Variants in SLC10A7 observed in about 807,000 individuals in gnomAD.
SLC10A7 encodes the protein solute carrier family 10 member 7.
Under a neutral mutation model 43.2 loss-of-function variants are expected in SLC10A7, and 29 were observed. That is an observed-to-expected ratio of 0.67 (90% CI 0.50 to 0.92). The LOEUF (loss-of-function observed/expected upper bound fraction) is 0.92. SLC10A7 is among the 40% of genes least tolerant of loss of function. SLC10A7 has a pLI of 0.00. For missense variants in SLC10A7, 295 were observed against 403.2 expected, an observed-to-expected ratio of 0.73 and a Z score of 2.30; for synonymous variants, 152 against 144.8, an observed-to-expected ratio of 1.05 and a Z score of -0.35.
chr4:146,264,095 C>T (rs1183820317), intron 10 of SLC10A7, among the ~76,000 whole-genome samples: 4 of 152,224 alleles, frequency 2.6e-5, no homozygotes, highest in South Asian at 2.1e-4. Context: ...GTAGCAACTT[C>T]AAGTAAGAGC....
At chr4:146,501,113 G>A (rs928889214) in intron 4 of SLC10A7, among the ~76,000 whole-genome samples, 5 of 151,910 alleles carry the variant, frequency 3.3e-5, no homozygotes, top group African/African-American at 1.2e-4. Flanking sequence ...AGTGATCCAG[G>A]GCTCAGTCCT....
At chr4:146,347,927 T>A (rs1734740542) in intron 5 of SLC10A7, among the ~76,000 whole-genome samples, 1 of 152,150 alleles carries the variant, frequency 6.6e-6, no homozygotes. Flanking sequence ...CATTGGCTTC[T>A]TATAATAAAT....
At chr4:146,399,909 T>C (rs983648747) in intron 5 of SLC10A7, among the ~76,000 whole-genome samples, 1 of 152,130 alleles carries the variant, frequency 6.6e-6, no homozygotes. Flanking sequence ...GTGTTGAAGA[T>C]ATCAATTGGC....
chr4:146,257,020 G>C, intron 11 of SLC10A7: 1 of 957,898 alleles, frequency 1.0e-6, no homozygotes, highest in Non-Finnish European at 1.6e-6. Flanking sequence ...ACAAATTCTA[G>C]AGCTTTTAAA....
At chr4:146,451,049 T>C in intron 4 of SLC10A7, among the ~76,000 whole-genome samples, 1 of 151,256 alleles carries the variant, frequency 6.6e-6, no homozygotes, top group South Asian at 2.1e-4. Context: ...ATTAAAGATC[T>C]AGATGTGGAA....
intron 10 of SLC10A7, among the ~76,000 whole-genome samples, chr4:146,259,852 C>T (rs2110981260): frequency 6.6e-6 from 1 of 152,304 alleles, no homozygotes; most frequent in South Asian, 2.1e-4. Flanking sequence ...TCAGCTTCTT[C>T]AACTGAATAG....
In SLC10A7 at chr4:146,283,197, G is replaced by T; in HGVS notation, c.842C>A (p.Thr281Lys). Residue 281 changes from threonine to lysine, a missense_variant, in exon 10 of 12, where the codon ACA becomes AAA. Around this residue, in one of 2 missense-constraint regions of SLC10A7, gnomAD observed 242 missense variants for 362.5 expected, o/e 0.67. Transcript: ENST00000335472. The stretch of plus-strand genomic sequence containing the variant: ...TAACTCTGTGAATCACTTACCCAAT[G>T]TAAGGGATTTGTGTGTAGAACAGAA... ...IIFCSTHKSL[T>K]LGIPMLKIVF... The T allele has an allele frequency of 6.2e-7, 1 of 1,612,438 alleles. No homozygotes were observed. Among genetic ancestry groups the T allele is most frequent in the Non-Finnish European group, 8.5e-7 (1 of 1,178,810 alleles).
At chr4:146,321,596 T>A (rs113344235) in intron 6 of SLC10A7, among the ~76,000 whole-genome samples, 6 of 152,262 alleles carry the variant, frequency 3.9e-5, no homozygotes, top group African/African-American at 1.4e-4. Flanking sequence ...TTTTATGGAA[T>A]GTGTTCATAT....
chr4:146,368,151 G>A (rs769121430), intron 5 of SLC10A7, among the ~76,000 whole-genome samples: 14 of 152,068 alleles, frequency 9.2e-5, no homozygotes, highest in Non-Finnish European at 2.1e-4. Flanking sequence ...CCCTTACCTT[G>A]ACACCAGAAT....
intron 5 of SLC10A7, among the ~76,000 whole-genome samples, chr4:146,344,056 C>T (rs1734446398): frequency 6.6e-6 from 1 of 151,882 alleles, no homozygotes; most frequent in African/African-American, 2.4e-5. Flanking sequence ...CATTTCTGAC[C>T]CGGAAGAGAC....
chr4:146,282,931 T>C lies in SLC10A7; in HGVS notation c.847+261A>G, dbSNP rs188194231. 1.6e-3 allele frequency among the ~76,000 whole-genome samples: 249 copies of C among 152,272 alleles called. 1 individual carries two copies. The Middle Eastern group carries it at 0.02, about 12-fold the overall frequency. ...CCCTGCTCTAATGTTACATTCTACA[T>C]TGGTAATCTTGTATGAGAATTGAAA... On this transcript the variant is annotated intron_variant, in intron 10 of 11. Coordinates refer to ENST00000335472, the MANE Select transcript of SLC10A7 (RefSeq NM_001029998.6).
chr4:146,427,724 A>G (rs1379989362), intron 5 of SLC10A7, among the ~76,000 whole-genome samples: 1 of 152,220 alleles, frequency 6.6e-6, no homozygotes, highest in Non-Finnish European at 1.5e-5. Flanking sequence ...ACTAGAAATA[A>G]TCTTTCCTAT....
intron 5 of SLC10A7, among the ~76,000 whole-genome samples, chr4:146,367,038 C>T (rs1429445810): frequency 6.6e-6 from 1 of 150,836 alleles, no homozygotes; most frequent in Non-Finnish European, 1.5e-5. Flanking sequence ...TGCCATTCAT[C>T]ATGGTTTGGC....
chr4:146,314,716 T>A (rs150234912), intron 6 of SLC10A7, among the ~76,000 whole-genome samples: 3 of 152,256 alleles, frequency 2.0e-5, no homozygotes, highest in African/African-American at 7.2e-5. Flanking sequence ...GCACTCCACA[T>A]GTTTCAAGAG....
At position 146,256,379 on chromosome 4, in the gene SLC10A7, T is replaced by TA; in HGVS notation, c.*111dup. The TA allele has an allele frequency of 9.8e-7, 1 of 1,022,880 alleles. No individual in the cohort carries two copies. Among genetic ancestry groups the TA allele is most frequent in the Non-Finnish European group, 1.5e-6 (1 of 670,130 alleles). The allele number at this position is 1,022,880 out of a possible 1,614,324, so 63.4% of individuals were successfully genotyped here. A position where few individuals can be genotyped will look rare whatever the true frequency, so the allele number is the denominator to read the frequency against. Reference sequence around the variant, plus strand: ...TTAAACAGGATCTCATATTTTTGTGTAAAAAAATAAAATATGCATTGAGGC... The same window carrying TA: ...TTAAACAGGATCTCATATTTTTGTGTAAAAAAAATAAAATATGCATTGAGGC... On this transcript the variant is annotated 3_prime_UTR_variant, in exon 12 of 12. Transcript: ENST00000335472.
At chr4:146,432,309 C>G (rs1321978170) in intron 5 of SLC10A7, among the ~76,000 whole-genome samples, 1 of 152,090 alleles carries the variant, frequency 6.6e-6, no homozygotes. Flanking sequence ...TATATCTATA[C>G]AAGAACCTGT....
chr4:146,432,397 A>G (rs1002151214), intron 5 of SLC10A7, among the ~76,000 whole-genome samples: 1 of 152,204 alleles, frequency 6.6e-6, no homozygotes, highest in Non-Finnish European at 1.5e-5. Context: ...AATTTATTAA[A>G]AATTTATTAC....
intron 10 of SLC10A7, among the ~76,000 whole-genome samples, chr4:146,268,098 T>C (rs1728676400): frequency 6.6e-6 from 1 of 152,128 alleles, no homozygotes; most frequent in Non-Finnish European, 1.5e-5. Flanking sequence ...ACCTAAACCT[T>C]CCCTTTGCTA....
At chr4:146,294,159 C>T (rs1578809196) in intron 7 of SLC10A7, 64 bp from the exon 8 acceptor site, 1 of 1,281,904 alleles carries the variant, frequency 7.8e-7, no homozygotes, top group East Asian at 2.6e-5. Flanking sequence ...ATGGGCATCA[C>T]AAAGTGATTC....
Sources: allele counts gnomAD v4.1 joint callset (sites outside exome capture counted in the v4.1 genomes callset), GRCh38; gene constraint gnomAD v4.1.1; regional missense constraint gnomAD v4.1.1; transcripts MANE v1.5; gene names NCBI Gene and HGNC (gene_info 2026-07-23, HGNC 2026-07-21).